NAXD: variants seen among roughly 807,000 people sequenced by gnomAD.
NAXD encodes the protein NAD(P)HX dehydratase, also known as ATP-dependent (S)-NAD(P)H-hydrate dehydratase.
In NAXD, 22 loss-of-function variants were observed where a neutral mutation model predicts 35.8. The ratio of observed to expected loss-of-function variants is 0.62; its 90% CI spans 0.44 to 0.88. NAXD has a LOEUF of 0.88. Among genes scored for constraint, NAXD ranks in the 40% least tolerant of loss-of-function variants. The pLI is 0.00. For synonymous variants in NAXD, 189 were observed against 177.6 expected, an observed-to-expected ratio of 1.06 and a Z score of -0.51; for missense variants, 428 against 437.7, an observed-to-expected ratio of 0.98 and a Z score of 0.20.
chr13:110,631,462 A>T (rs3783097), intron 5 of NAXD, among the ~76,000 whole-genome samples: 2 of 152,074 alleles, frequency 1.3e-5, no homozygotes, highest in South Asian at 4.1e-4. Context: ...TAGTGTACCA[A>T]GGTTTGCTTT....
rs151240983 is a variant in NAXD at position 110,630,215 on chromosome 13, G to A, written c.441+2668G>A. 1.8e-4 allele frequency among the ~76,000 whole-genome samples: 28 copies of A among 152,126 alleles called. 1 individual carries two copies. In the East Asian group the frequency reaches 5.2e-3, roughly 28 times the overall value. ...AGCTAATTTTTGTATTTTTAGTAGA[G>A]ATGGGGTTTCACCATGTTGGCCAGG... is the stretch of plus-strand genomic sequence containing the variant. On this transcript the variant is annotated intron_variant, in intron 5 of 9. Coordinates refer to ENST00000680254, the MANE Select transcript of NAXD (RefSeq NM_001242882.2).
chr13:110,638,113 C>G lies in NAXD; in HGVS notation c.840-265C>G. ...TGCCGCCTGGCTTTCCCCGGGAACA[C>G]CTGGCCCACTGTGTGCCCTAGCCCT... On this transcript the variant is annotated intron_variant, in intron 9 of 9. Transcript: ENST00000680254. This position sits in a 1 kb window ranked among gnomAD's most constrained non-coding sequence, Gnocchi z 5.4. The G allele has an allele frequency of 1.1e-6, 1 of 933,510 alleles. No individual in the cohort carries two copies. Among genetic ancestry groups the G allele is most frequent in the Non-Finnish European group, 1.6e-6 (1 of 606,074 alleles). 57.8% of individuals were successfully genotyped at this position (933,510 alleles called of 1,614,324 possible).
chr13:110,620,352 T>C (rs780767011), intron 1 of NAXD, among the ~76,000 whole-genome samples: 50 of 151,418 alleles, frequency 3.3e-4, no homozygotes, highest in Non-Finnish European at 5.9e-4. Flanking sequence ...GAGGCCGAGG[T>C]GGGCAGATCA....
intron 2 of NAXD, among the ~76,000 whole-genome samples, chr13:110,622,726 G>T (rs1022710090): frequency 3.9e-5 from 6 of 152,196 alleles, no homozygotes; most frequent in Admixed American, 2.6e-4. Flanking sequence ...TCAATTTAAA[G>T]ATGTTACTGA....
In NAXD at chr13:110,635,461, G is replaced by T. The variant is rs745899700; in HGVS notation, c.598-7G>T. 6.2e-7 allele frequency: 1 copy of T among 1,612,942 alleles called. No homozygotes were observed. Among genetic ancestry groups the T allele is most frequent in the Non-Finnish European group, 8.5e-7 (1 of 1,179,108 alleles). ...TGCTTTTTCTCTGTCTTCCTGTGTT[G>T]TCATAGCTCAGAGGCCCTATGGACA... On this transcript the variant is annotated splice_polypyrimidine_tract_variant and splice_region_variant and intron_variant, in intron 7 of 9. Transcript: ENST00000680254.
At chr13:110,634,498 A>C (rs748741677) in intron 5 of NAXD, 47 bp from the exon 6 acceptor site, 17 of 1,596,374 alleles carry the variant, frequency 1.1e-5, no homozygotes, top group African/African-American at 1.3e-5. Context: ...ACATACCCAC[A>C]CCATAGCAGC....
In NAXD at chr13:110,638,336, A is replaced by T. The variant is rs1391486245; in HGVS notation, c.840-42A>T. On this transcript the variant is annotated intron_variant, in intron 9 of 9. Coordinates refer to ENST00000680254, the MANE Select transcript of NAXD (RefSeq NM_001242882.2). This position sits in a 1 kb window ranked among gnomAD's most constrained non-coding sequence, Gnocchi z 5.4. Reference sequence around the variant, plus strand: ...GGGTAGCTGCGGCCCCCGGACCACGACGCCCACTTCCCCACACCTCCTGCT... The same window carrying T: ...GGGTAGCTGCGGCCCCCGGACCACGTCGCCCACTTCCCCACACCTCCTGCT... The T allele has an allele frequency of 6.2e-7, 1 of 1,613,390 alleles. No individual in the cohort carries two copies. Among genetic ancestry groups the T allele is most frequent in the Non-Finnish European group, 8.5e-7 (1 of 1,179,828 alleles).
At chr13:110,626,526 C>CT (rs1164115858) in intron 4 of NAXD, among the ~76,000 whole-genome samples, 1 of 120,356 alleles carries the variant, frequency 8.3e-6, no homozygotes, top group Non-Finnish European at 1.6e-5. Context: ...GTGCTTAAAG[C>CT]TGGAAGACGA....
intron 9 of NAXD, 110 bp downstream of exon 9, chr13:110,637,359 T>G: frequency 9.4e-5 from 120 of 1,270,910 alleles, no homozygotes; most frequent in Non-Finnish European, 1.2e-4. Flanking sequence ...CAATGAACTC[T>G]AGGCTTCACT....
intron 9 of NAXD, chr13:110,637,845 C>T (rs1047713360): frequency 4.2e-6 from 2 of 471,422 alleles, no homozygotes; most frequent in South Asian, 1.5e-5. Context: ...CATGTGTCCT[C>T]ATTGCCGGGA....
intron 1 of NAXD, among the ~76,000 whole-genome samples, chr13:110,618,678 T>C (rs1478687204): frequency 6.6e-6 from 1 of 152,162 alleles, no homozygotes; most frequent in African/African-American, 2.4e-5. Flanking sequence ...CCCCCTGATA[T>C]CTTATCATTT....
chr13:110,615,900 G>C, intron 1 of NAXD: 2 of 760,088 alleles, frequency 2.6e-6, no homozygotes, highest in Non-Finnish European at 3.6e-6. Flanking sequence ...GAGGCCTCCT[G>C]GAACGGCGCG....
rs578077510 is a variant in NAXD at position 110,616,388 on chromosome 13, C to A, written c.46+741C>A. Reference sequence around the variant, plus strand: ...GGGCCGCAGAAAAGGACTCCACCAGCCAGGCCTCCTTCGCCCGCCCCCGGT... The same window carrying A: ...GGGCCGCAGAAAAGGACTCCACCAGACAGGCCTCCTTCGCCCGCCCCCGGT... On this transcript the variant is annotated intron_variant, in intron 1 of 9. Transcript: ENST00000680254. 987 of 152,876 alleles carry A rather than the reference C, an allele frequency of 6.5e-3. 7 individuals are homozygous for A. The highest frequency in any genetic ancestry group is 9.9e-3 in the Non-Finnish European group (680 of 68,500). 9.5% of individuals were successfully genotyped at this position (152,876 alleles called of 1,614,324 possible).
At chr13:110,622,401 A>G (rs761016969) in intron 2 of NAXD, 35 bp downstream of exon 2, 1 of 1,604,988 alleles carries the variant, frequency 6.2e-7, no homozygotes, top group African/African-American at 1.3e-5. Context: ...GTGTTTAAAA[A>G]GTCAGTTGCT....
At position 110,628,728 on chromosome 13, in the gene NAXD, C is replaced by T. The variant is rs1886591687; in HGVS notation, c.441+1181C>T. ...GTGGCCATGTTTAGGAGCAGTAGAACCCTCTGTCATCCCCGGGGAGAGGCT... is the reference window on the plus strand; with the variant it reads ...GTGGCCATGTTTAGGAGCAGTAGAATCCTCTGTCATCCCCGGGGAGAGGCT... On this transcript the variant is annotated intron_variant, in intron 5 of 9. Transcript: ENST00000680254. This position sits in a 1 kb window ranked among gnomAD's most constrained non-coding sequence, Gnocchi z 4.1. Among the ~76,000 whole-genome samples, 1 of 152,040 alleles carries T rather than the reference C, an allele frequency of 6.6e-6. No homozygotes were observed. Among genetic ancestry groups the T allele is most frequent in the African/African-American group, 2.4e-5 (1 of 41,394 alleles).
chr13:110,620,948 A>G (rs1886241362), intron 1 of NAXD, among the ~76,000 whole-genome samples: 1 of 152,238 alleles, frequency 6.6e-6, no homozygotes, highest in Admixed American at 6.5e-5. Flanking sequence ...TATAGAACAT[A>G]CCAGCATTTC....
chr13:110,621,425 G>T (rs1181916895), intron 1 of NAXD, among the ~76,000 whole-genome samples: 2 of 152,240 alleles, frequency 1.3e-5, no homozygotes, highest in Non-Finnish European at 2.9e-5. Context: ...TCCTGGTGGG[G>T]TGGCTCATGC....
At chr13:110,634,910 G>A (rs147940203) in intron 7 of NAXD, 134 bp downstream of exon 7, 10,986 of 686,102 alleles carry the variant, frequency 0.016, 124 homozygotes, top group Non-Finnish European at 0.021. Flanking sequence ...CTCTCCCAGC[G>A]GATGGCGCGT....
chr13:110,634,226 G>A (rs953127468), intron 5 of NAXD, among the ~76,000 whole-genome samples: 2 of 152,104 alleles, frequency 1.3e-5, no homozygotes, highest in African/African-American at 2.4e-5. Flanking sequence ...TGTCTTAGTC[G>A]GTTTTGCGCT....
Sources: allele counts gnomAD v4.1 joint callset (sites outside exome capture counted in the v4.1 genomes callset), GRCh38; gene constraint gnomAD v4.1.1; non-coding constraint Gnocchi (gnomAD v3.1); transcripts MANE v1.5; gene names NCBI Gene and HGNC (gene_info 2026-07-23, HGNC 2026-07-21).